TDRP: variants seen among roughly 807,000 people sequenced by gnomAD.
TDRP encodes testis development-related protein.
A neutral mutation model predicts 10.5 loss-of-function variants in TDRP; 12 were observed. That is an observed-to-expected ratio of 1.15 (90% CI 0.73 to 1.86). The LOEUF (loss-of-function observed/expected upper bound fraction) is 1.86. TDRP is among the 40% of genes most tolerant of loss of function. The pLI is 0.00. For synonymous variants in TDRP, 139 were observed against 95.4 expected (o/e 1.46, Z -2.67); for missense variants, 353 against 229.2 (o/e 1.54, Z -3.49).
chr8:495,791 G>A (rs11781389), intron 1 of TDRP, among the ~76,000 whole-genome samples: 37,113 of 152,182 alleles, frequency 0.24, 4,928 homozygotes, highest in African/African-American at 0.36. Flanking sequence ...CCTTTGAGGT[G>A]ACCCAGTGAT....
At chr8:493,449 A>AAGGGCCATGTGTCTGTCCTC (rs1332437321) in intron 2 of TDRP, among the ~76,000 whole-genome samples, 1 of 152,266 alleles carries the variant, frequency 6.6e-6, no homozygotes, top group Non-Finnish European at 1.5e-5. Context: ...CCAGAGCACG[A>AAGGGCCATGTGTCTGTCCTC]AGGGCCATGT....
At chr8:499,187 CA>C (rs918398974) in intron 1 of TDRP, among the ~76,000 whole-genome samples, 4 of 151,756 alleles carry the variant, frequency 2.6e-5, no homozygotes, top group Admixed American at 6.6e-5. Flanking sequence ...AATAAGATGC[CA>C]AAAAAATAGT....
intron 1 of TDRP, among the ~76,000 whole-genome samples, chr8:523,748 T>C (rs116895923): frequency 0.029 from 4,354 of 152,190 alleles, 87 homozygotes; most frequent in Middle Eastern, 0.044. Context: ...AAGGACTTTG[T>C]CTAGTGGCTG....
intron 1 of TDRP, among the ~76,000 whole-genome samples, chr8:518,233 A>C (rs1023046265): frequency 1.3e-5 from 2 of 152,180 alleles, no homozygotes; most frequent in African/African-American, 4.8e-5. Context: ...GCCAGGAGGC[A>C]CCTAAGAACT....
At position 494,549 on chromosome 8, in the gene TDRP, T is replaced by C. The variant is rs779402528; in HGVS notation, c.157A>G (p.Asn53Asp). ...AGGAGATGCTGCTCATCATCTTTGT[T>C]AAACAGTGAAGTCACTTCTTTCCAA... ...RGWKEVTSLF[N>D]KDDEQHLLER... Residue 53 changes from asparagine (N) to aspartate (D), a missense_variant, in exon 2 of 3, where the codon AAC (asparagine) becomes GAC (aspartate). Physicochemically the swap from Asn to Asp is conservative, Grantham distance 23. Coordinates refer to ENST00000324079, the MANE Select transcript of TDRP (RefSeq NM_001384899.1). 6.2e-7 allele frequency: 1 copy of C among 1,614,014 alleles called. No individual in the cohort carries two copies. The highest frequency in any genetic ancestry group is 8.5e-7 in the Non-Finnish European group (1 of 1,179,886).
chr8:504,132 G>A (rs1163453139), intron 1 of TDRP, among the ~76,000 whole-genome samples: 3 of 152,172 alleles, frequency 2.0e-5, no homozygotes, highest in African/African-American at 7.2e-5. Flanking sequence ...AGCCTGCCCT[G>A]GGTTCTGACC....
intron 1 of TDRP, among the ~76,000 whole-genome samples, chr8:529,290 C>T (rs571302514): frequency 2.6e-5 from 4 of 152,190 alleles, no homozygotes; most frequent in South Asian, 2.1e-4. Flanking sequence ...TATGATCCCA[C>T]GAAAATTAAA....
upstream of TDRP, chr8:545,019 G>A: frequency 3.8e-6 from 1 of 262,488 alleles, no homozygotes; most frequent in Non-Finnish European, 6.8e-6. Flanking sequence ...GACCAGGCCC[G>A]CCCCAAACCC....
intron 1 of TDRP, chr8:495,053 G>A (rs1801087613): frequency 6.4e-6 from 1 of 155,602 alleles, no homozygotes; most frequent in Non-Finnish European, 1.4e-5. Flanking sequence ...GGAACAAAGT[G>A]AGACCCCGTT....
chr8:506,137 T>C (rs1801459325), intron 1 of TDRP, among the ~76,000 whole-genome samples: 1 of 152,182 alleles, frequency 6.6e-6, no homozygotes, highest in South Asian at 2.1e-4. Flanking sequence ...ATACTCCAGA[T>C]TTCCCTGTTT....
rs1800971461 is a variant in TDRP at position 491,485 on chromosome 8, C to G, written c.*914G>C. The G allele has an allele frequency of 2.2e-6, 2 of 894,328 alleles. No individual in the cohort carries two copies. Among genetic ancestry groups the G allele is most frequent in the Admixed American group, 7.4e-5 (2 of 26,886 alleles). 55.4% of individuals were successfully genotyped at this position (894,328 alleles called of 1,614,324 possible). A position where few individuals can be genotyped will look rare whatever the true frequency, so the allele number is the denominator to read the frequency against. On this transcript the variant is annotated 3_prime_UTR_variant, in exon 3 of 3. Coordinates refer to ENST00000324079, the MANE Select transcript of TDRP (RefSeq NM_001384899.1). ...TCGTCGATTATTCTTGTGGAAAAAA[C>G]ACAGCTTCTTACAGATCTAACACCA...
At chr8:544,841 G>C, upstream of TDRP, 8 of 1,043,598 alleles carry the variant, frequency 7.7e-6, no homozygotes, top group Non-Finnish European at 9.8e-6. Context: ...CTCTGCCTGC[G>C]GCTCCTGCGG....
At chr8:514,131 C>G (rs1284118862) in intron 1 of TDRP, among the ~76,000 whole-genome samples, 2 of 152,068 alleles carry the variant, frequency 1.3e-5, no homozygotes, top group Admixed American at 6.5e-5. Flanking sequence ...GGATTCAAGC[C>G]AAAATAATCT....
chr8:503,000 G>A (rs573845574), intron 1 of TDRP, among the ~76,000 whole-genome samples: 251 of 63,554 alleles, frequency 3.9e-3, no homozygotes, highest in Admixed American at 0.015. Context: ...ATACAGAGCC[G>A]CACATCAGAA....
intron 1 of TDRP, among the ~76,000 whole-genome samples, chr8:509,017 T>C (rs754215574): frequency 6.6e-6 from 1 of 152,156 alleles, no homozygotes; most frequent in Non-Finnish European, 1.5e-5. Flanking sequence ...ATCTTAAAGC[T>C]CCAAAATAAT....
At chr8:529,832 ATCTT>A (rs1274549974) in intron 1 of TDRP, among the ~76,000 whole-genome samples, 1 of 152,152 alleles carries the variant, frequency 6.6e-6, no homozygotes, top group African/African-American at 2.4e-5. Flanking sequence ...TTTGATTAAA[ATCTT>A]TCTCAGTGTG....
chr8:541,008 A>G (rs1350900942), intron 1 of TDRP, among the ~76,000 whole-genome samples: 2 of 152,242 alleles, frequency 1.3e-5, no homozygotes, highest in African/African-American at 4.8e-5. Flanking sequence ...CTAACATGAC[A>G]GTGAATTTAA....
chr8:512,688 A>C (rs1261245505), intron 1 of TDRP, among the ~76,000 whole-genome samples: 1 of 152,190 alleles, frequency 6.6e-6, no homozygotes, highest in African/African-American at 2.4e-5. Context: ...ATAACAAGTG[A>C]AGAGACCAGG....
At chr8:544,442 C>A (rs1436742770) in intron 1 of TDRP, among the ~76,000 whole-genome samples, 2 of 152,102 alleles carry the variant, frequency 1.3e-5, no homozygotes, top group African/African-American at 4.8e-5. Flanking sequence ...AGCGGCAACT[C>A]AGCCCAGGAC....
Sources: allele counts gnomAD v4.1 joint callset (sites outside exome capture counted in the v4.1 genomes callset), GRCh38; gene constraint gnomAD v4.1.1; transcripts MANE v1.5; gene names NCBI Gene and HGNC (gene_info 2026-07-23, HGNC 2026-07-21).